Variants in ZDHHC11B observed in about 807,000 individuals in gnomAD.
ZDHHC11B encodes probable palmitoyltransferase ZDHHC11B.
A neutral mutation model predicts 42.3 loss-of-function variants in ZDHHC11B; 17 were observed. The ratio of observed to expected loss-of-function variants is 0.40; its 90% confidence interval spans 0.27 to 0.60. ZDHHC11B has a LOEUF of 0.60. ZDHHC11B is among the 20% of genes least tolerant of loss of function. ZDHHC11B has a pLI of 0.41. For synonymous variants in ZDHHC11B, 123 were observed against 193.5 expected (o/e 0.64, Z 3.02); for missense variants, 262 against 463.2 (o/e 0.57, Z 3.99).
chr5:780,404 C>T (rs1156532958), intron 1 of ZDHHC11B, among the ~76,000 whole-genome samples: 16 of 150,924 alleles, frequency 1.1e-4, no homozygotes, highest in Non-Finnish European at 1.0e-4. Context: ...GTGTGGGCGG[C>T]GCTGAGCACG....
rs58771184 is a variant in ZDHHC11B, at chr5:714,087, C to T, written c.*8-1805G>A. Among the ~76,000 whole-genome samples the T allele has an allele frequency of 2.4e-5, 3 of 124,542 alleles. No homozygotes were observed. In the South Asian group the frequency reaches 7.6e-4, roughly 32 times the overall value. The allele number at this position is 124,542 out of a possible 152,430, so 81.7% of individuals were successfully genotyped here. A position where few individuals can be genotyped will look rare whatever the true frequency, so the allele number is the denominator to read the frequency against. On this transcript the variant is annotated intron_variant, in intron 13 of 13. Transcript: ENST00000508859. ...TAATGCCTTTAAGAATATTTACACA[C>T]GCACTCACATGGACACGGACACGCG...
At chr5:733,865 A>G in intron 10 of ZDHHC11B, 26 bp from the exon 11 acceptor site, 1 of 1,587,888 alleles carries the variant, frequency 6.3e-7, no homozygotes, top group Non-Finnish European at 8.6e-7. Flanking sequence ...GGAGGAGAGA[A>G]ACTCATCTCA....
At chr5:784,629 C>A (rs1185468863) in intron 1 of ZDHHC11B, among the ~76,000 whole-genome samples, 39 bp downstream of exon 1, 2 of 151,638 alleles carry the variant, frequency 1.3e-5, no homozygotes, top group Non-Finnish European at 3.0e-5. Context: ...GGGTGCCCCC[C>A]GCGCCGCGCC....
At chr5:735,685 A>G (rs1743433915) in intron 10 of ZDHHC11B, among the ~76,000 whole-genome samples, 1 of 146,706 alleles carries the variant, frequency 6.8e-6, no homozygotes. Context: ...CAAAATAATT[A>G]ACAGCCAATA....
At chr5:770,658 C>A (rs543008147) in intron 1 of ZDHHC11B, among the ~76,000 whole-genome samples, 16 of 152,118 alleles carry the variant, frequency 1.1e-4, no homozygotes, top group African/African-American at 3.6e-4. Context: ...AGCCTCTGAC[C>A]TTAGATGGAG....
At chr5:769,641 C>A (rs1735811339) in intron 1 of ZDHHC11B, among the ~76,000 whole-genome samples, 1 of 151,870 alleles carries the variant, frequency 6.6e-6, no homozygotes, top group Non-Finnish European at 1.5e-5. Context: ...AGTGATCACA[C>A]TTTCGTTCAA....
At chr5:718,523 T>A (rs1343085891) in intron 12 of ZDHHC11B, among the ~76,000 whole-genome samples, 2 of 151,130 alleles carry the variant, frequency 1.3e-5, no homozygotes, top group African/African-American at 4.9e-5. Context: ...AATACAAAAA[T>A]ACAAAAACAA....
intron 10 of ZDHHC11B, among the ~76,000 whole-genome samples, chr5:736,713 A>G (rs1215596998): frequency 7.4e-6 from 1 of 134,668 alleles, no homozygotes; most frequent in African/African-American, 2.7e-5. Flanking sequence ...CTGCTTCTGA[A>G]TGATCTTTGG....
chr5:759,962 C>G (rs371933548), intron 4 of ZDHHC11B, among the ~76,000 whole-genome samples: 1 of 151,984 alleles, frequency 6.6e-6, no homozygotes, highest in South Asian at 2.1e-4. Flanking sequence ...GGAGTGCAGC[C>G]GGGGATGCCG....
chr5:772,611 T>G (rs1736151828), intron 1 of ZDHHC11B, among the ~76,000 whole-genome samples: 1 of 151,264 alleles, frequency 6.6e-6, no homozygotes, highest in Non-Finnish European at 1.5e-5. Flanking sequence ...GAAGAAGTAG[T>G]AGATGCAGGA....
chr5:724,933 C>T (rs1178114058), intron 12 of ZDHHC11B, among the ~76,000 whole-genome samples: 1 of 146,832 alleles, frequency 6.8e-6, no homozygotes, highest in Non-Finnish European at 1.5e-5. Context: ...ACATCTGCAC[C>T]CCTCGCTGAG....
chr5:772,638 C>T (rs1377364759), intron 1 of ZDHHC11B, among the ~76,000 whole-genome samples: 4 of 151,716 alleles, frequency 2.6e-5, no homozygotes, highest in African/African-American at 4.8e-5. Flanking sequence ...GGCCGTCACA[C>T]GGGAGTGAGT....
At chr5:717,758 G>A (rs1741864732) in intron 12 of ZDHHC11B, among the ~76,000 whole-genome samples, 1 of 151,830 alleles carries the variant, frequency 6.6e-6, no homozygotes, top group African/African-American at 2.4e-5. Context: ...GGTCAGGAGT[G>A]TGCTGCAGAA....
chr5:719,382 T>G (rs1262791363), intron 12 of ZDHHC11B, among the ~76,000 whole-genome samples: 1 of 151,708 alleles, frequency 6.6e-6, no homozygotes, highest in African/African-American at 2.4e-5. Context: ...TCAGCTGTCT[T>G]AAATATGCTC....
intron 4 of ZDHHC11B, among the ~76,000 whole-genome samples, chr5:763,041 G>T: frequency 6.6e-6 from 1 of 151,802 alleles, no homozygotes; most frequent in South Asian, 2.1e-4. Flanking sequence ...CAAGAAATAT[G>T]ACAAATTACA....
intron 13 of ZDHHC11B, among the ~76,000 whole-genome samples, chr5:714,122 A>G (rs376843311): frequency 0.011 from 1,486 of 130,714 alleles, 1 homozygote; most frequent in African/African-American, 0.047. Flanking sequence ...GCACGCGTGC[A>G]CACACACACC....
chr5:743,792 C>A (rs1381067972), intron 9 of ZDHHC11B, among the ~76,000 whole-genome samples: 19 of 149,816 alleles, frequency 1.3e-4, no homozygotes, highest in African/African-American at 4.7e-4. Context: ...TTAAAACATA[C>A]TTTTTAGGTT....
intron 12 of ZDHHC11B, among the ~76,000 whole-genome samples, chr5:728,758 A>C (rs201633367): frequency 0.1 from 13,514 of 129,120 alleles, 10 homozygotes; most frequent in East Asian, 0.28. Flanking sequence ...ACAGTGACTC[A>C]TGTCTGTAGT....
intron 4 of ZDHHC11B, among the ~76,000 whole-genome samples, chr5:766,243 T>G (rs1735337824): frequency 6.6e-6 from 1 of 151,772 alleles, no homozygotes; most frequent in Non-Finnish European, 1.5e-5. Flanking sequence ...CCCTACCCAC[T>G]GGGAGACAGG....
Sources: allele counts gnomAD v4.1 joint callset (sites outside exome capture counted in the v4.1 genomes callset), GRCh38; gene constraint gnomAD v4.1.1; transcripts MANE v1.5; gene names NCBI Gene and HGNC (gene_info 2026-07-23, HGNC 2026-07-21).